The following SLC7A5 variants were observed in gnomAD, a reference collection of about 807,000 sequenced individuals.
The protein encoded by SLC7A5 is solute carrier family 7 member 5, also known as large neutral amino acids transporter small subunit 1.
In SLC7A5, 23 loss-of-function variants were observed where a neutral mutation model predicts 50.2. That is an observed-to-expected ratio of 0.46 (90% CI 0.33 to 0.65). The LOEUF (loss-of-function observed/expected upper bound fraction) is 0.65. Ranked by LOEUF, SLC7A5 falls within the 30% of genes least tolerant of loss-of-function variation. SLC7A5 has a pLI of 0.02. For synonymous variants in SLC7A5, 393 were observed against 330.6 expected (o/e 1.19, Z -2.05); for missense variants, 578 against 684.4 (o/e 0.84, Z 1.73).
At position 87,861,389 on chromosome 16, in the gene SLC7A5, G is replaced by A. The variant is rs1488112432; in HGVS notation, c.538+7496C>T. Among the ~76,000 whole-genome samples the A allele has an allele frequency of 6.6e-6, 1 of 152,146 alleles. No individual in the cohort carries two copies. The highest frequency in any genetic ancestry group is 1.5e-5 in the Non-Finnish European group (1 of 67,996). ...TGACTGACACCTCCCCAGACCCCTG[G>A]CACCCACCAGACTCCCCAGGCGTGG... On this transcript the variant is annotated intron_variant, in intron 1 of 9. Transcript: ENST00000261622. The surrounding 1 kb of genome is among the most constrained non-coding windows in gnomAD (Gnocchi z 4.2).
At chr16:87,868,632 GC>G (rs1478670941) in intron 1 of SLC7A5, among the ~76,000 whole-genome samples, 2 of 152,234 alleles carry the variant, frequency 1.3e-5, no homozygotes, top group Non-Finnish European at 2.9e-5. Flanking sequence ...GGAATGGAAT[GC>G]CCACCGAAGG....
chr16:87,837,922 G>A lies in SLC7A5; in HGVS notation c.1063C>T (p.Arg355Trp), dbSNP rs1319576895. ...TSSRLFFVGS[R>W]EGHLPSILSM... ...AGGATGGAGGGCAGGTGGCCTTCCC[G>A]GGACCCCACGAAGAAGAGCCTGTGG... The change falls in exon 7 of 10, where the codon CGG (arginine) becomes TGG (tryptophan). Residue 355 changes from arginine to tryptophan, a missense_variant. Physicochemically the swap from Arg to Trp is moderately radical, Grantham distance 101 (BLOSUM62 -3). This residue lies in a region of SLC7A5 where 465 missense variants were observed against 594.6 expected (regional missense o/e 0.78). Transcript: ENST00000261622. 5.6e-6 allele frequency: 9 copies of A among 1,605,898 alleles called. No homozygotes were observed. Among genetic ancestry groups the A allele is most frequent in the East Asian group, 2.2e-5 (1 of 44,574 alleles).
Position 87,841,518 on chromosome 16 carries a change from C to T in SLC7A5, c.665-363G>A, listed in dbSNP as rs566388499. On this transcript the variant is annotated intron_variant, in intron 2 of 9. Transcript: ENST00000261622. The surrounding 1 kb of genome is among the most constrained non-coding windows in gnomAD (Gnocchi z 4.8). The stretch of plus-strand genomic sequence containing the variant: ...AGACCTCACGACATGAGTGTCAAGG[C>T]AGTATAAAGCCAGGAGACCTCGGTT... Among the ~76,000 whole-genome samples, 2 of 152,174 alleles carry T rather than the reference C, an allele frequency of 1.3e-5. No individual in the cohort carries two copies. Among genetic ancestry groups the T allele is most frequent in the Non-Finnish European group, 2.9e-5 (2 of 68,026 alleles).
Position 87,841,046 on chromosome 16 carries a change from C to G in SLC7A5, c.770+4G>C, listed in dbSNP as rs778500828. 2.5e-6 allele frequency: 4 copies of G among 1,604,708 alleles called. No homozygotes were observed. The highest frequency in any genetic ancestry group is 1.7e-4 in the Middle Eastern group (1 of 6,036). The stretch of plus-strand genomic sequence containing the variant: ...CCAAGGGACCCAGACATTCCAGAAC[C>G]TACCATCCTCCATAGGCAAAGAGGC... On this transcript the variant is annotated splice_donor_region_variant and intron_variant, in intron 3 of 9. Coordinates refer to ENST00000261622, the MANE Select transcript of SLC7A5 (RefSeq NM_003486.7). The surrounding 1 kb of genome is among the most constrained non-coding windows in gnomAD (Gnocchi z 4.8).
intron 2 of SLC7A5, among the ~76,000 whole-genome samples, chr16:87,845,426 G>C (rs1156997902): frequency 2.0e-5 from 3 of 151,388 alleles, no homozygotes; most frequent in Non-Finnish European, 4.4e-5. Flanking sequence ...ACCCCACAGA[G>C]TCCACGCCCA....
chr16:87,868,587 G>C (rs1212725977), intron 1 of SLC7A5, among the ~76,000 whole-genome samples: 1 of 152,226 alleles, frequency 6.6e-6, no homozygotes, highest in East Asian at 1.9e-4. Context: ...CGGGGCCAAC[G>C]GGAGGGTGGC....
At chr16:87,867,882 G>C (rs1376367837) in intron 1 of SLC7A5, among the ~76,000 whole-genome samples, 2 of 152,216 alleles carry the variant, frequency 1.3e-5, no homozygotes. Context: ...TTGGGAGGCC[G>C]AGGCGGGCGG....
rs4602048 is a variant in SLC7A5 at position 87,862,228 on chromosome 16, T to G, written c.538+6657A>C. ...CTGGATACCCCAGCGGTTGGGGGGG[T>G]GGTGCTGGACACCCAGGGGGCAGAT... On this transcript the variant is annotated intron_variant, in intron 1 of 9. Transcript: ENST00000261622. This position sits in a 1 kb window ranked among gnomAD's most constrained non-coding sequence, Gnocchi z 5.3. Among the ~76,000 whole-genome samples, 1,281 of 151,120 alleles carry G rather than the reference T, an allele frequency of 8.5e-3. 18 individuals are homozygous for G. Among genetic ancestry groups the G allele is most frequent in the African/African-American group, 0.03 (1,228 of 41,000 alleles).
intron 2 of SLC7A5, among the ~76,000 whole-genome samples, chr16:87,842,969 T>A (rs570281694): frequency 6.6e-6 from 1 of 152,300 alleles, no homozygotes; most frequent in Non-Finnish European, 1.5e-5. Flanking sequence ...CTCGCCCACT[T>A]ACTTCTGCTG....
At chr16:87,840,193 G>A (rs1183910610) in intron 4 of SLC7A5, among the ~76,000 whole-genome samples, 1 of 152,226 alleles carries the variant, frequency 6.6e-6, no homozygotes, top group Non-Finnish European at 1.5e-5. Flanking sequence ...CAGCTCCTCT[G>A]TACCGTCCCG....
At chr16:87,866,349 G>C (rs1031652796) in intron 1 of SLC7A5, among the ~76,000 whole-genome samples, 7 of 152,240 alleles carry the variant, frequency 4.6e-5, no homozygotes, top group African/African-American at 1.7e-4. Flanking sequence ...GGGTGGTAAA[G>C]GAGGAGAAAT....
At chr16:87,839,253 C>G (rs977210085) in intron 5 of SLC7A5, among the ~76,000 whole-genome samples, 14 of 152,280 alleles carry the variant, frequency 9.2e-5, no homozygotes, top group African/African-American at 3.4e-4. Flanking sequence ...TCGGGAACTG[C>G]GAGGCCAGCC....
Position 87,848,723 on chromosome 16 carries a change from G to C in SLC7A5, c.664+3001C>G, listed in dbSNP as rs1237934252. Among the ~76,000 whole-genome samples the C allele has an allele frequency of 2.6e-5, 4 of 152,208 alleles. No individual in the cohort carries two copies. The East Asian group carries it at 7.7e-4, about 29-fold the overall frequency. ...AGAAGGGCTTTTCTGGTCTGCACCA[G>C]GGCCCCGCTTATTCCCCACTGCGAC... is the stretch of plus-strand genomic sequence containing the variant. On this transcript the variant is annotated intron_variant, in intron 2 of 9. Coordinates refer to ENST00000261622, the MANE Select transcript of SLC7A5 (RefSeq NM_003486.7).
rs961311060 is a variant in SLC7A5, at chr16:87,862,065, G to A, written c.538+6820C>T. ...GGGGTTGGGGGTGGAGGGGTGCAGG[G>A]ATCCCAAAACCCAACCCGGGGCCAG... On this transcript the variant is annotated intron_variant, in intron 1 of 9. Transcript: ENST00000261622. The surrounding 1 kb of genome is among the most constrained non-coding windows in gnomAD (Gnocchi z 5.3). 5.3e-5 allele frequency among the ~76,000 whole-genome samples: 8 copies of A among 152,288 alleles called. No individual in the cohort carries two copies. The highest frequency in any genetic ancestry group is 3.4e-3 in the Middle Eastern group (1 of 294).
At chr16:87,866,425 C>T (rs933927408) in intron 1 of SLC7A5, among the ~76,000 whole-genome samples, 4 of 152,038 alleles carry the variant, frequency 2.6e-5, no homozygotes, top group African/African-American at 7.2e-5. Flanking sequence ...CCTCAGCCTC[C>T]GAGTAGCTGG....
chr16:87,840,974 G>T, intron 3 of SLC7A5, 76 bp downstream of exon 3: 2 of 1,005,040 alleles, frequency 2.0e-6, no homozygotes, highest in African/African-American at 1.6e-5. Context: ...CTTGATGGCT[G>T]GGAGATTTGG....
At chr16:87,863,927 G>A (rs539350704) in intron 1 of SLC7A5, among the ~76,000 whole-genome samples, 1 of 145,522 alleles carries the variant, frequency 6.9e-6, no homozygotes, top group African/African-American at 2.5e-5. Context: ...GGTAAAAGGT[G>A]CCCTTTCCCT....
chr16:87,846,879 C>T (rs373240169), intron 2 of SLC7A5, among the ~76,000 whole-genome samples: 34 of 152,320 alleles, frequency 2.2e-4, no homozygotes, highest in African/African-American at 7.7e-4. Flanking sequence ...GCCGGGGACG[C>T]GGTGAGCCTG....
chr16:87,840,998 G>C, intron 3 of SLC7A5, 52 bp downstream of exon 3: 1 of 1,290,572 alleles, frequency 7.7e-7, no homozygotes, highest in East Asian at 2.3e-5. Context: ...TCCTGGACAC[G>C]TCAGGGACTG....
Sources: gnomAD v4.1 joint callset for allele counts (sites outside exome capture counted in the v4.1 genomes callset) on GRCh38, gnomAD v4.1.1 for gene constraint, gnomAD v4.1.1 regional missense constraint, Gnocchi (gnomAD v3.1) non-coding constraint, MANE v1.5 for transcripts, NCBI Gene and HGNC (gene_info 2026-07-23, HGNC 2026-07-21) for gene names.